SPDYE1: variants seen among roughly 807,000 people sequenced by gnomAD.
SPDYE1 encodes speedy protein E1.
Under a neutral mutation model 45.9 loss-of-function variants are expected in SPDYE1, and 29 were observed. The ratio of observed to expected loss-of-function variants is 0.63; its 90% CI spans 0.47 to 0.86. The LOEUF (loss-of-function observed/expected upper bound fraction) is 0.86, where lower values mean the gene tolerates loss of function less well. SPDYE1 is among the 40% of genes least tolerant of loss of function. The pLI is 0.00. For missense variants in SPDYE1, 346 were observed against 481.4 expected, an observed-to-expected ratio of 0.72 and a Z score of 2.63; for synonymous variants, 134 against 176.8, an observed-to-expected ratio of 0.76 and a Z score of 1.92.
At position 44,001,151 on chromosome 7, in the gene SPDYE1, G is replaced by A. The variant is rs141133716; in HGVS notation, c.246G>A (p.Pro82=). ...REWSDESEEE[P]EKELAPEPEE... ...GGTCAGATGAATCTGAGGAGGAGCC[G>A]GAGAAGGAGCTCGCCCCTGAGCCTG... The change falls in exon 3 of 9, where the codon CCG becomes CCA. Residue 82 remains proline (P), a synonymous_variant. Coordinates refer to ENST00000693451, the MANE Select transcript of SPDYE1 (RefSeq NM_001378423.2). 1.5e-3 allele frequency: 2,429 copies of A among 1,598,330 alleles called. 44 individuals carry two copies. The South Asian group carries it at 0.02, about 13-fold the overall frequency.
At chr7:44,004,929 G>A (rs2096069119) in intron 5 of SPDYE1, 4 of 638,914 alleles carry the variant, frequency 6.3e-6, no homozygotes, top group African/African-American at 5.4e-5. Flanking sequence ...CATCCTGGGA[G>A]CATCACCCAA....
At chr7:44,000,342 A>G (rs1467230595) in intron 2 of SPDYE1, among the ~76,000 whole-genome samples, 1 of 150,978 alleles carries the variant, frequency 6.6e-6, no homozygotes, top group Non-Finnish European at 1.5e-5. Context: ...CCAGCTACTC[A>G]GGAGGCTGAG....
At chr7:44,007,948 G>C in intron 8 of SPDYE1, 135 bp downstream of exon 8, 2 of 1,510,204 alleles carry the variant, frequency 1.3e-6, no homozygotes, top group Non-Finnish European at 8.8e-7. Flanking sequence ...ACAAAAATTA[G>C]CCAGGCAATG....
rs1425048424 is a variant in SPDYE1, at chr7:43,999,994, G to A, written c.45G>A (p.Thr15=). 7 of 985,090 alleles carry A rather than the reference G, an allele frequency of 7.1e-6. No homozygotes were observed. The highest frequency in any genetic ancestry group is 5.2e-4 in the Middle Eastern group (1 of 1,936). The allele number at this position is 985,090 out of a possible 1,614,324, so 61.0% of individuals were successfully genotyped here. ...GGTTCCGTAAGAGGGGACAGATTAC[G>A]GGAAAGATCACGACCAGCCGTCAAC... ...ETRFRKRGQI[T]GKITTSRQPH... Residue 15 remains threonine (T), a synonymous_variant, in exon 2 of 9, where the codon ACG becomes ACA. Transcript: ENST00000693451.
intron 6 of SPDYE1, 83 bp from the exon 7 acceptor site, chr7:44,007,185 T>C (rs1018001786): frequency 1.2e-5 from 20 of 1,611,224 alleles, no homozygotes; most frequent in East Asian, 1.1e-4. Flanking sequence ...AACGGTCCCT[T>C]ACCTTCCTCT....
rs2096057748 is a variant in SPDYE1, at chr7:43,997,968, G to GC, written c.-423+13dup. ...AGGGAGGGGAAATGCAGGTGACTCAGCCCCTATTCCTCCATCAAACCAGGC... is the reference window on the plus strand; with the variant it reads ...AGGGAGGGGAAATGCAGGTGACTCAGCCCCCTATTCCTCCATCAAACCAGGC... On this transcript the variant is annotated intron_variant, in intron 1 of 8. Transcript: ENST00000693451. 6.6e-6 allele frequency among the ~76,000 whole-genome samples: 1 copy of GC among 152,180 alleles called. No homozygotes were observed. Among genetic ancestry groups the GC allele is most frequent in the South Asian group, 2.1e-4 (1 of 4,828 alleles).
At position 44,007,388 on chromosome 7, in the gene SPDYE1, C is replaced by T. The variant is rs756866876; in HGVS notation, c.873C>T (p.Tyr291=). 66 of 1,612,782 alleles carry T rather than the reference C, an allele frequency of 4.1e-5. No homozygotes were observed. In the South Asian group the frequency reaches 6.5e-4, roughly 16 times the overall value. The change falls in exon 7 of 9, where the codon TAC becomes TAT. Residue 291 remains tyrosine, a synonymous_variant. Transcript: ENST00000693451. The part of the protein sequence containing the change: ...PLLRKRRFQL[Y]RSMNPRARKN... ...TCCGTAAGCGTCGGTTCCAGTTATA[C>T]CGTTCCATGAACCCGAGGGCCAGGA...
chr7:44,005,776 G>A (rs1585938703), intron 6 of SPDYE1, among the ~76,000 whole-genome samples: 2 of 151,832 alleles, frequency 1.3e-5, no homozygotes. Context: ...AAGGGGAAAA[G>A]AAAAGGAGTG....
chr7:44,001,455 C>T (rs1424873575), intron 3 of SPDYE1, among the ~76,000 whole-genome samples, 171 bp downstream of exon 3: 1 of 152,142 alleles, frequency 6.6e-6, no homozygotes, highest in African/African-American at 2.4e-5. Flanking sequence ...CAATAGAGGA[C>T]TAGGCTAGAC....
intron 5 of SPDYE1, 80 bp downstream of exon 5, chr7:44,003,991 C>G: frequency 3.9e-6 from 3 of 774,548 alleles, no homozygotes; most frequent in Non-Finnish European, 6.4e-6. Context: ...CCACAGTTCT[C>G]CCTCCACCAC....
chr7:44,002,298 A>G (rs1201025608), intron 3 of SPDYE1, among the ~76,000 whole-genome samples: 4 of 130,750 alleles, frequency 3.1e-5, no homozygotes, highest in African/African-American at 1.2e-4. Context: ...ACAAAGCAAG[A>G]CTGTTTCTCA....
intron 6 of SPDYE1, among the ~76,000 whole-genome samples, chr7:44,005,944 A>C (rs2096070669): frequency 1.3e-5 from 2 of 151,944 alleles, no homozygotes; most frequent in Non-Finnish European, 2.9e-5. Flanking sequence ...TCCACTGTCA[A>C]ATGCTCCCCG....
chr7:43,999,439 CT>C (rs2128775311), intron 1 of SPDYE1, among the ~76,000 whole-genome samples, 88 bp from the exon 2 acceptor site: 1 of 151,668 alleles, frequency 6.6e-6, no homozygotes, highest in African/African-American at 2.4e-5. Context: ...GATAATCTCA[CT>C]CTTGTACATG....
At position 44,009,007 on chromosome 7, in the gene SPDYE1, C is replaced by T; in HGVS notation, c.*386C>T. On this transcript the variant is annotated 3_prime_UTR_variant, in exon 9 of 9. Coordinates refer to ENST00000693451, the MANE Select transcript of SPDYE1 (RefSeq NM_001378423.2). Reference sequence around the variant, plus strand: ...CTGTTTCTTACGGACTTGGTTGCCACAGTCCAGGAGCATTTGAAGGCACAA... The same window carrying T: ...CTGTTTCTTACGGACTTGGTTGCCATAGTCCAGGAGCATTTGAAGGCACAA... 2 of 404,256 alleles carry T rather than the reference C, an allele frequency of 4.9e-6. No individual in the cohort carries two copies. Among genetic ancestry groups the T allele is most frequent in the Non-Finnish European group, 4.9e-6 (1 of 206,020 alleles). 25.0% of individuals were successfully genotyped at this position (404,256 alleles called of 1,614,324 possible).
At chr7:44,005,677 CA>C (rs762074535) in intron 6 of SPDYE1, among the ~76,000 whole-genome samples, 30,452 of 92,414 alleles carry the variant, frequency 0.33, 2,502 homozygotes, top group Middle Eastern at 0.39. Context: ...GACTTTTTCT[CA>C]AAAAAAAAAA....
At chr7:44,004,075 G>A in intron 5 of SPDYE1, 164 bp downstream of exon 5, 2 of 1,230,644 alleles carry the variant, frequency 1.6e-6, no homozygotes, top group South Asian at 1.4e-5. Context: ...TTGCTCTGTT[G>A]CCCAGGCTGG....
chr7:43,999,583 C>CT lies in SPDYE1; in HGVS notation c.-364dup, dbSNP rs555114814. The stretch of plus-strand genomic sequence containing the variant: ...CGAAGAGACCCCAACATGCTTCAGG[C>CT]TTTGAGTGGAGAGGACACAGCCTCT... On this transcript the variant is annotated 5_prime_UTR_variant, in exon 2 of 9. An upstream open reading frame in the 5' UTR loses its in-frame stop. Coordinates refer to ENST00000693451, the MANE Select transcript of SPDYE1 (RefSeq NM_001378423.2). Among the ~76,000 whole-genome samples the CT allele has an allele frequency of 7.6e-4, 116 of 151,816 alleles. No homozygotes were observed. The highest frequency in any genetic ancestry group is 2.6e-3 in the African/African-American group (108 of 41,378).
chr7:44,009,254 TAA>T lies in SPDYE1; in HGVS notation c.*635_*636del, dbSNP rs1489942911. 1.0e-5 allele frequency: 1 copy of T among 98,990 alleles called. No individual in the cohort carries two copies. The highest frequency in any genetic ancestry group is 2.0e-5 in the Non-Finnish European group (1 of 50,626). 6.1% of individuals were successfully genotyped at this position (98,990 alleles called of 1,614,324 possible). On this transcript the variant is annotated 3_prime_UTR_variant, in exon 9 of 9. Coordinates refer to ENST00000693451, the MANE Select transcript of SPDYE1 (RefSeq NM_001378423.2). Reference sequence around the variant, plus strand: ...GAGAGTTATAGTTGTTATATATACATAAAGATAATTTTCTTTTCATTTTTGAG... The same window carrying T: ...GAGAGTTATAGTTGTTATATATACATAGATAATTTTCTTTTCATTTTTGAG...
rs2096059921 is a variant in SPDYE1, at chr7:43,999,560, A to G, written c.-390A>G. Among the ~76,000 whole-genome samples the G allele has an allele frequency of 6.6e-6, 1 of 152,042 alleles. No individual in the cohort carries two copies. The highest frequency in any genetic ancestry group is 2.4e-5 in the African/African-American group (1 of 41,398). On this transcript the variant is annotated 5_prime_UTR_variant, in exon 2 of 9. Transcript: ENST00000693451. Reference sequence around the variant, plus strand: ...TCTGAAATGGGCACGTACAGAGACGAAGAGACCCCAACATGCTTCAGGCTT... The same window carrying G: ...TCTGAAATGGGCACGTACAGAGACGGAGAGACCCCAACATGCTTCAGGCTT...
Sources: gnomAD v4.1 joint callset for allele counts (sites outside exome capture counted in the v4.1 genomes callset) on GRCh38, gnomAD v4.1.1 for gene constraint, MANE v1.5 for transcripts, NCBI Gene and HGNC (gene_info 2026-07-23, HGNC 2026-07-21) for gene names.